WRAP53: variants seen among roughly 807,000 people sequenced by gnomAD.
WRAP53 encodes telomerase Cajal body protein 1.
A neutral mutation model predicts 56.6 loss-of-function variants in WRAP53; 28 were observed. The observed-to-expected ratio is 0.50, with a 90% CI of 0.37 to 0.68. The LOEUF is 0.68. WRAP53 is among the 30% of genes least tolerant of loss of function. The pLI is 0.00. For missense variants in WRAP53, 671 were observed against 715.5 expected (o/e 0.94, Z 0.71); for synonymous variants, 283 against 283.4 (o/e 1.00, Z 0.01).
chr17:7,700,681 C>A, intron 4 of WRAP53, 60 bp from the exon 5 acceptor site: 1 of 1,165,442 alleles, frequency 8.6e-7, no homozygotes, highest in Non-Finnish European at 1.3e-6. Flanking sequence ...CTGCTAGAGG[C>A]ACGCGCCTCA....
At chr17:7,694,884 C>G (rs1241647562) in intron 4 of WRAP53, among the ~76,000 whole-genome samples, 1 of 149,458 alleles carries the variant, frequency 6.7e-6, no homozygotes, top group African/African-American at 2.5e-5. Context: ...TGCTAGTGTA[C>G]CAGTTCTATC....
At chr17:7,697,573 C>T (rs1486431286) in intron 4 of WRAP53, among the ~76,000 whole-genome samples, 2 of 148,080 alleles carry the variant, frequency 1.4e-5, no homozygotes, top group South Asian at 2.2e-4. Flanking sequence ...GCATGAGAGT[C>T]GCTTGAACCC....
Position 7,689,037 on chromosome 17 carries a change from A to C in WRAP53, c.389A>C (p.Glu130Ala). The change falls in exon 2 of 11, where the codon GAA becomes GCA. Residue 130 changes from glutamate (E) to alanine (A), a missense_variant. Coordinates refer to ENST00000396463, the MANE Select transcript of WRAP53 (RefSeq NM_001143992.2). ...GPELGSGKAM[E>A]DTSGEPAAED... ...GAGTTGGGGTCTGGAAAAGCCATGG[A>C]AGATACCTCTGGGGAACCCGCTGCA... 1 of 1,614,122 alleles carries C rather than the reference A, an allele frequency of 6.2e-7. No homozygotes were observed. The highest frequency in any genetic ancestry group is 8.5e-7 in the Non-Finnish European group (1 of 1,180,002).
At position 7,688,815 on chromosome 17, in the gene WRAP53, A is replaced by G. The variant is rs2074058763; in HGVS notation, c.167A>G (p.Asp56Gly). 3 of 1,614,050 alleles carry G rather than the reference A, an allele frequency of 1.9e-6. No individual in the cohort carries two copies. Among genetic ancestry groups the G allele is most frequent in the African/African-American group, 2.7e-5 (2 of 74,904 alleles). Residue 56 changes from aspartate to glycine, a missense_variant, in exon 2 of 11, where the codon GAT becomes GGT. Around this residue, in one of 3 missense-constraint regions of WRAP53, gnomAD observed 406 missense variants for 418.5 expected, o/e 0.97. Coordinates refer to ENST00000396463, the MANE Select transcript of WRAP53 (RefSeq NM_001143992.2). ...ERGDPPRLSP[D>G]PVAGSAVSQE... ...GGGGATCCGCCCCGGTTGTCCCCAG[A>G]TCCTGTGGCTGGCTCAGCTGTGTCC...
chr17:7,700,550 A>T lies in WRAP53; in HGVS notation c.643-191A>T, dbSNP rs79622468. Among the ~76,000 whole-genome samples the T allele has an allele frequency of 0.051, 7,750 of 151,736 alleles. 575 individuals are homozygous for T. The highest frequency in any genetic ancestry group is 0.17 in the African/African-American group (6,860 of 41,266). ...TGCATGCTCTGTCTCAAAATAATAA[A>T]AAAAAAAAAGTATGAATCTATATGG... On this transcript the variant is annotated intron_variant, in intron 4 of 10. Transcript: ENST00000396463.
rs548260358 is a variant in WRAP53 at position 7,700,067 on chromosome 17, G to T, written c.643-674G>T. ...TTTCTTTTCTTTTTCTTTTTTTTTT[G>T]GGGGGCACTGTCTCTCTGTCACCTA... On this transcript the variant is annotated intron_variant, in intron 4 of 10. Transcript: ENST00000396463. 3.4e-3 allele frequency among the ~76,000 whole-genome samples: 491 copies of T among 142,982 alleles called. 3 individuals are homozygous for T. Among genetic ancestry groups the T allele is most frequent in the Middle Eastern group, 0.012 (3 of 254 alleles). The allele number at this position is 142,982 out of a possible 152,430, so 93.8% of individuals were successfully genotyped here. A position where few individuals can be genotyped will look rare whatever the true frequency, so the allele number is the denominator to read the frequency against.
rs184762931 is a variant in WRAP53 at position 7,692,101 on chromosome 17, A to G, written c.642+2400A>G. ...GTGATCTGCCCACCTTGGCCTCCCA[A>G]AGTGCTGGGATTACAGGCATGAGCC... is the stretch of plus-strand genomic sequence containing the variant. On this transcript the variant is annotated intron_variant, in intron 4 of 10. Transcript: ENST00000396463. 7.6e-3 allele frequency among the ~76,000 whole-genome samples: 1,147 copies of G among 151,776 alleles called. 13 individuals are homozygous for G. The highest frequency in any genetic ancestry group is 0.026 in the African/African-American group (1,067 of 41,430).
At chr17:7,691,093 C>T (rs2074101366) in intron 4 of WRAP53, among the ~76,000 whole-genome samples, 1 of 151,906 alleles carries the variant, frequency 6.6e-6, no homozygotes, top group African/African-American at 2.4e-5. Context: ...CCTGTAATCC[C>T]AGCTACTTGA....
Position 7,702,900 on chromosome 17 carries a change from A to G in WRAP53, c.1268+54A>G. 1.9e-6 allele frequency: 3 copies of G among 1,613,028 alleles called. No individual in the cohort carries two copies. The highest frequency in any genetic ancestry group is 2.5e-6 in the Non-Finnish European group (3 of 1,179,858). ...GGGCCCTGATAAGCCTAGGAATGCC[A>G]GAGCCCAGCTGTAGGGTCCCAGTCC... On this transcript the variant is annotated intron_variant, in intron 9 of 10. Coordinates refer to ENST00000396463, the MANE Select transcript of WRAP53 (RefSeq NM_001143992.2). This position sits in a 1 kb window ranked among gnomAD's most constrained non-coding sequence, Gnocchi z 5.0.
In WRAP53 at chr17:7,701,535, G is replaced by A. The variant is rs377242828; in HGVS notation, c.808G>A (p.Ala270Thr). 1 of 1,614,170 alleles carries A rather than the reference G, an allele frequency of 6.2e-7. No homozygotes were observed. Among genetic ancestry groups the A allele is most frequent in the Non-Finnish European group, 8.5e-7 (1 of 1,180,038 alleles). ...TGGAGAGCTCCGGGCTTCCTTTCGC[G>A]CCTACAACCACCTGGTAGGGACCGC... ...FTGELRASFRAYNHLDELTAA... is the reference protein window; with the variant it reads ...FTGELRASFRTYNHLDELTAA... Residue 270 changes from alanine (A) to threonine (T), a missense_variant, in exon 6 of 11, where the codon GCC (alanine) becomes ACC (threonine). Physicochemically the swap from Ala to Thr is moderately conservative, Grantham distance 58. This residue lies in a region of WRAP53 where 406 missense variants were observed against 418.5 expected (regional missense o/e 0.97). Transcript: ENST00000396463. The surrounding 1 kb of genome is among the most constrained non-coding windows in gnomAD (Gnocchi z 4.2).
chr17:7,703,070 G>C lies in WRAP53; in HGVS notation c.1346G>C (p.Gly449Ala). Residue 449 changes from glycine to alanine, a missense_variant, in exon 10 of 11, where the codon GGG becomes GCG. Physicochemically the swap from Gly to Ala is moderately conservative, Grantham distance 60. Coordinates refer to ENST00000396463, the MANE Select transcript of WRAP53 (RefSeq NM_001143992.2). ...VWDTDGPGNDGKPEPVLSFLP... is the reference protein window; with the variant it reads ...VWDTDGPGNDAKPEPVLSFLP... ...GACACGGACGGGCCTGGCAATGATGGGAAGCCGGAGCCCGTGTTGAGTTTT... is the reference window on the plus strand; with the variant it reads ...GACACGGACGGGCCTGGCAATGATGCGAAGCCGGAGCCCGTGTTGAGTTTT... The C allele has an allele frequency of 6.2e-7, 1 of 1,614,138 alleles. No homozygotes were observed. The highest frequency in any genetic ancestry group is 8.5e-7 in the Non-Finnish European group (1 of 1,180,024).
intron 4 of WRAP53, among the ~76,000 whole-genome samples, chr17:7,700,303 T>C (rs1397751447): frequency 6.6e-6 from 1 of 151,996 alleles, no homozygotes; most frequent in Admixed American, 6.6e-5. Flanking sequence ...TCTTTGTCTC[T>C]GGGTTGAGGT....
upstream of WRAP53, chr17:7,688,193 C>CGG (rs17551157): frequency 9.6e-4 from 176 of 182,688 alleles, no homozygotes; most frequent in African/African-American, 3.8e-3. Flanking sequence ...CTGCAGGCGG[C>CGG]GGGGGGGCGG....
Position 7,703,022 on chromosome 17 carries a change from C to G in WRAP53, c.1298C>G (p.Thr433Arg). 1 of 1,614,008 alleles carries G rather than the reference C, an allele frequency of 6.2e-7. No individual in the cohort carries two copies. ...GGGCAGTTCCTAGTGAGTGGCAGCA[C>G]GAGCGGGGCTGTCTCTGTGTGGGAC... ...PTGQFLVSGS[T>R]SGAVSVWDTD... is the part of the protein sequence containing the mutation. The change falls in exon 10 of 11, where the codon ACG (threonine) becomes AGG (arginine). Residue 433 changes from threonine to arginine, a missense_variant. Around this residue, in one of 3 missense-constraint regions of WRAP53, gnomAD observed 158 missense variants for 215.7 expected, o/e 0.73. Coordinates refer to ENST00000396463, the MANE Select transcript of WRAP53 (RefSeq NM_001143992.2).
At position 7,701,680 on chromosome 17, in the gene WRAP53, G is replaced by A. The variant is rs34740153; in HGVS notation, c.846G>A (p.Ser282=). Residue 282 remains serine, a synonymous_variant, in exon 7 of 11, where the codon TCG becomes TCA. Coordinates refer to ENST00000396463, the MANE Select transcript of WRAP53 (RefSeq NM_001143992.2). The surrounding 1 kb of genome is among the most constrained non-coding windows in gnomAD (Gnocchi z 4.2). ...AGGATGAGCTGACGGCAGCCCATTCGCTCTGCTTCTCCCCGGATGGCTCCC... is the reference window on the plus strand; with the variant it reads ...AGGATGAGCTGACGGCAGCCCATTCACTCTGCTTCTCCCCGGATGGCTCCC... ...NHLDELTAAH[S]LCFSPDGSQL... is the part of the protein sequence containing the mutation. The A allele has an allele frequency of 3.0e-5, 49 of 1,614,116 alleles. No individual in the cohort carries two copies. Among genetic ancestry groups the A allele is most frequent in the African/African-American group, 2.7e-4 (20 of 74,934 alleles).
upstream of WRAP53, chr17:7,687,603 G>T: frequency 2.5e-6 from 1 of 398,892 alleles, no homozygotes; most frequent in South Asian, 1.3e-4. Flanking sequence ...GACAAGTAAG[G>T]GCAAGTAATC....
upstream of WRAP53, chr17:7,688,349 G>T (rs560833428): frequency 2.1e-6 from 1 of 475,380 alleles, no homozygotes; most frequent in Admixed American, 3.7e-5. Context: ...AACCTTTCAC[G>T]TCCCGGCTCC....
In WRAP53 at chr17:7,689,078, A is replaced by G; in HGVS notation, c.430A>G (p.Thr144Ala). 1 of 1,614,116 alleles carries G rather than the reference A, an allele frequency of 6.2e-7. No homozygotes were observed. Among genetic ancestry groups the G allele is most frequent in the Non-Finnish European group, 8.5e-7 (1 of 1,179,974 alleles). ...GEPAAEDEGDTAWNYSFSQLP... is the reference protein window; with the variant it reads ...GEPAAEDEGDAAWNYSFSQLP... ...ACCCGCTGCAGAGGACGAGGGAGAC[A>G]CGTAAGTGGTGATGGCAGTGGAGTG... Residue 144 changes from threonine (T) to alanine (A), a missense_variant and splice_region_variant, in exon 2 of 11, where the codon ACC (threonine) becomes GCC (alanine). This residue lies in a region of WRAP53 where 406 missense variants were observed against 418.5 expected (regional missense o/e 0.97). Transcript: ENST00000396463.
chr17:7,696,808 ACAG>A (rs34656028), intron 4 of WRAP53, among the ~76,000 whole-genome samples: 7,503 of 152,168 alleles, frequency 0.049, 452 homozygotes, highest in East Asian at 0.17. Context: ...TCCAGGAGGA[ACAG>A]CAGGTTTGAT....
Sources: allele counts gnomAD v4.1 joint callset (sites outside exome capture counted in the v4.1 genomes callset), GRCh38; gene constraint gnomAD v4.1.1; regional missense constraint gnomAD v4.1.1; non-coding constraint Gnocchi (gnomAD v3.1); transcripts MANE v1.5; gene names NCBI Gene and HGNC (gene_info 2026-07-23, HGNC 2026-07-21).